Variants in PRKG2 observed in about 807,000 individuals in gnomAD.
The protein encoded by PRKG2 is protein kinase cGMP-dependent 2, also known as cGMP-dependent protein kinase 2.
Under a neutral mutation model 97.2 loss-of-function variants are expected in PRKG2, and 33 were observed. The ratio of observed to expected loss-of-function variants is 0.34; its 90% CI spans 0.26 to 0.45. The LOEUF (loss-of-function observed/expected upper bound fraction) is 0.45, where lower values mean the gene tolerates loss of function less well. PRKG2 is among the 20% of genes least tolerant of loss of function. The pLI is 1.00. For synonymous variants in PRKG2, 330 were observed against 321.8 expected (o/e 1.03, Z -0.27); for missense variants, 638 against 900.0 (o/e 0.71, Z 3.73).
chr4:81,202,593 T>A (rs1312166038), intron 2 of PRKG2, among the ~76,000 whole-genome samples: 2 of 152,162 alleles, frequency 1.3e-5, no homozygotes, highest in East Asian at 3.9e-4. Flanking sequence ...CAGACTTGTA[T>A]CCACTTGGCT....
chr4:81,205,016 G>A lies in PRKG2; in HGVS notation c.32C>T (p.Ser11Phe). 1 of 1,612,566 alleles carries A rather than the reference G, an allele frequency of 6.2e-7. No homozygotes were observed. Among genetic ancestry groups the A allele is most frequent in the South Asian group, 1.1e-5 (1 of 90,724 alleles). The change falls in exon 2 of 19, where the codon TCT becomes TTT. Residue 11 changes from serine to phenylalanine, a missense_variant. Ser to Phe is a radical substitution (Grantham distance 155). Transcript: ENST00000264399. ...CCCAGAGTGTCCATCTGGGTGCTTA[G>A]AATGTTTAGGTTTCACTGAACCATT... The part of the protein sequence containing the change: MGNGSVKPKH[S>F]KHPDGHSGNL...
intron 14 of PRKG2, among the ~76,000 whole-genome samples, chr4:81,129,193 T>C (rs550570937): frequency 6.6e-6 from 1 of 152,322 alleles, no homozygotes; most frequent in South Asian, 2.1e-4. Context: ...AGGATTTCCG[T>C]TCTTTTGCAT....
intron 14 of PRKG2, among the ~76,000 whole-genome samples, chr4:81,132,901 A>G (rs1746317601): frequency 1.3e-5 from 2 of 152,162 alleles, no homozygotes; most frequent in Admixed American, 1.3e-4. Context: ...GATTACTCCA[A>G]TAAATGAGGC....
chr4:81,156,410 G>C (rs1321596351), intron 6 of PRKG2, among the ~76,000 whole-genome samples: 1 of 152,080 alleles, frequency 6.6e-6, no homozygotes, highest in Non-Finnish European at 1.5e-5. Flanking sequence ...CCCAATACAG[G>C]AGCACCCAGA....
intron 8 of PRKG2, 149 bp from the exon 9 acceptor site, chr4:81,149,101 C>T (rs1748135456): frequency 4.2e-6 from 3 of 713,242 alleles, no homozygotes; most frequent in Non-Finnish European, 7.3e-6. Flanking sequence ...AATTTATATC[C>T]CCCCAAAAAA....
intron 2 of PRKG2, among the ~76,000 whole-genome samples, chr4:81,197,862 T>C (rs561442498): frequency 4.6e-5 from 7 of 152,350 alleles, no homozygotes; most frequent in African/African-American, 1.7e-4. Flanking sequence ...ATTGGATTCA[T>C]TGATTCAATA....
intron 2 of PRKG2, among the ~76,000 whole-genome samples, chr4:81,179,143 A>G (rs1378449239): frequency 6.6e-6 from 1 of 152,014 alleles, no homozygotes; most frequent in Admixed American, 6.6e-5. Context: ...ACAAAAAAAA[A>G]AAGAAAAGAA....
intron 2 of PRKG2, among the ~76,000 whole-genome samples, chr4:81,202,190 A>G (rs1474844415): frequency 6.6e-6 from 1 of 152,214 alleles, no homozygotes; most frequent in East Asian, 1.9e-4. Flanking sequence ...GACAGGCTGT[A>G]TAATATAAAA....
At chr4:81,171,350 T>C (rs1421337743) in intron 4 of PRKG2, among the ~76,000 whole-genome samples, 2 of 152,178 alleles carry the variant, frequency 1.3e-5, no homozygotes, top group African/African-American at 4.8e-5. Flanking sequence ...ATCTTGTTCC[T>C]TTTTATGGCT....
intron 14 of PRKG2, among the ~76,000 whole-genome samples, chr4:81,120,169 A>C (rs768938561): frequency 6.6e-6 from 1 of 152,196 alleles, no homozygotes; most frequent in Non-Finnish European, 1.5e-5. Context: ...TCAACTACTC[A>C]TACGCTGCTG....
chr4:81,178,997 C>T (rs1254215338), intron 2 of PRKG2, among the ~76,000 whole-genome samples: 5 of 151,704 alleles, frequency 3.3e-5, no homozygotes, highest in East Asian at 1.9e-4. Flanking sequence ...TGGTGGCAGG[C>T]GCCTGTAGTC....
intron 2 of PRKG2, chr4:81,192,140 CCT>C (rs1752583752): frequency 6.6e-6 from 1 of 152,054 alleles, no homozygotes; most frequent in Non-Finnish European, 1.5e-5. Flanking sequence ...AATTAGTGAA[CCT>C]CTGTTACATA....
chr4:81,128,498 T>C (rs1045667061), intron 14 of PRKG2, among the ~76,000 whole-genome samples: 2 of 152,208 alleles, frequency 1.3e-5, no homozygotes, highest in African/African-American at 4.8e-5. Flanking sequence ...AATTACTGCC[T>C]CAATTTCAGA....
At chr4:81,117,326 A>G (rs1435975254) in intron 14 of PRKG2, among the ~76,000 whole-genome samples, 1 of 151,808 alleles carries the variant, frequency 6.6e-6, no homozygotes, top group African/African-American at 2.4e-5. Context: ...TAATCATATC[A>G]CCTGGAAGGT....
At chr4:81,128,321 G>A (rs1745811861) in intron 14 of PRKG2, among the ~76,000 whole-genome samples, 1 of 152,124 alleles carries the variant, frequency 6.6e-6, no homozygotes, top group African/African-American at 2.4e-5. Flanking sequence ...GCTAGACTTT[G>A]GTATCAGGAT....
chr4:81,135,615 T>C (rs1746604595), intron 13 of PRKG2, among the ~76,000 whole-genome samples: 1 of 152,158 alleles, frequency 6.6e-6, no homozygotes, highest in Non-Finnish European at 1.5e-5. Flanking sequence ...TCACAAACTC[T>C]GGAGAAAATG....
intron 2 of PRKG2, 37 bp downstream of exon 2, chr4:81,204,550 A>C (rs768109016): frequency 1.9e-6 from 3 of 1,546,276 alleles, no homozygotes; most frequent in Non-Finnish European, 2.7e-6. Flanking sequence ...CACAATATTA[A>C]GCCCATCTGA....
rs796633188 is a variant in PRKG2, at chr4:81,176,888, GA to G, written c.462-1930del. Among the ~76,000 whole-genome samples, 579 of 147,642 alleles carry G rather than the reference GA, an allele frequency of 3.9e-3. 5 individuals carry two copies. The highest frequency in any genetic ancestry group is 0.013 in the African/African-American group (539 of 40,244). The stretch of plus-strand genomic sequence containing the variant: ...ACTCAAAAAGACTCTTTTGTCCATA[GA>G]AAAAAAAAATCAATATCCTACAACC... On this transcript the variant is annotated intron_variant, in intron 2 of 18. Transcript: ENST00000264399.
chr4:81,200,363 T>G (rs934827394), intron 2 of PRKG2, among the ~76,000 whole-genome samples: 16 of 152,160 alleles, frequency 1.1e-4, no homozygotes, highest in Non-Finnish European at 2.2e-4. Flanking sequence ...GCAATGTCCT[T>G]TTCTCACAGA....
Sources: allele counts gnomAD v4.1 joint callset (sites outside exome capture counted in the v4.1 genomes callset), GRCh38; gene constraint gnomAD v4.1.1; transcripts MANE v1.5; gene names NCBI Gene and HGNC (gene_info 2026-07-23, HGNC 2026-07-21).